The following SLC25A13 variants were observed in gnomAD, a reference collection of about 807,000 sequenced individuals.
The protein encoded by SLC25A13 is solute carrier family 25 member 13, also known as electrogenic aspartate/glutamate antiporter SLC25A13, mitochondrial.
SLC25A13 carries 70 observed loss-of-function variants against 85.5 expected under a neutral mutation model. That is an observed-to-expected ratio of 0.82 (90% CI 0.68 to 1.00). SLC25A13 has a LOEUF of 1.00. SLC25A13 is among the 50% of genes least tolerant of loss of function. The pLI, the probability that SLC25A13 is intolerant of heterozygous loss-of-function variation, is 0.00. For missense variants in SLC25A13, 765 were observed against 819.8 expected, an observed-to-expected ratio of 0.93 and a Z score of 0.82; for synonymous variants, 259 against 288.7, an observed-to-expected ratio of 0.90 and a Z score of 1.04.
At chr7:96,291,973 CA>C in intron 2 of SLC25A13, among the ~76,000 whole-genome samples, 1 of 152,078 alleles carries the variant, frequency 6.6e-6, no homozygotes, top group East Asian at 1.9e-4. Flanking sequence ...AGAGACACAA[CA>C]AAAAAAGAGC....
rs181779744 is a variant in SLC25A13 at position 96,136,496 on chromosome 7, C to T, written c.1453-4615G>A. On this transcript the variant is annotated intron_variant, in intron 14 of 17. Transcript: ENST00000265631. ...GATTTGTATCTCTCTTTCTCTCGCA[C>T]GCATGCTGTTGCACATGCACAGCAA... 7.8e-4 allele frequency among the ~76,000 whole-genome samples: 119 copies of T among 152,324 alleles called. 2 individuals carry two copies. Among genetic ancestry groups the T allele is most frequent in the Admixed American group, 7.0e-3 (107 of 15,300 alleles).
At chr7:96,153,037 G>C (rs1353128786) in intron 13 of SLC25A13, among the ~76,000 whole-genome samples, 1 of 152,180 alleles carries the variant, frequency 6.6e-6, no homozygotes, top group Non-Finnish European at 1.5e-5. Flanking sequence ...AGGGGGAAGA[G>C]AGTGAAAAGA....
chr7:96,258,019 C>T (rs1009241144), intron 3 of SLC25A13, among the ~76,000 whole-genome samples: 6 of 152,092 alleles, frequency 3.9e-5, no homozygotes, highest in Non-Finnish European at 8.8e-5. Context: ...ATTCAACATC[C>T]CTTCATGGTA....
intron 4 of SLC25A13, among the ~76,000 whole-genome samples, chr7:96,233,210 C>T (rs528256785): frequency 6.6e-6 from 1 of 152,326 alleles, no homozygotes; most frequent in South Asian, 2.1e-4. Flanking sequence ...CTATGCTGAA[C>T]ATGCTTACAC....
chr7:96,156,211 A>G (rs1793258456), intron 13 of SLC25A13, among the ~76,000 whole-genome samples: 1 of 152,148 alleles, frequency 6.6e-6, no homozygotes, highest in African/African-American at 2.4e-5. Flanking sequence ...GATATATCAA[A>G]TTTTTCTTTG....
intron 5 of SLC25A13, among the ~76,000 whole-genome samples, chr7:96,199,178 G>A (rs1584444417): frequency 1.3e-5 from 2 of 152,148 alleles, no homozygotes; most frequent in Non-Finnish European, 2.9e-5. Context: ...ATGAGCCAAG[G>A]GTGACACGGG....
At chr7:96,232,197 T>C (rs1272336931) in intron 4 of SLC25A13, among the ~76,000 whole-genome samples, 2 of 152,074 alleles carry the variant, frequency 1.3e-5, no homozygotes, top group African/African-American at 4.8e-5. Flanking sequence ...TGCCCATTAA[T>C]GATAGACTGG....
intron 15 of SLC25A13, among the ~76,000 whole-genome samples, chr7:96,128,788 A>G (rs1013248460): frequency 6.7e-6 from 1 of 148,740 alleles, no homozygotes; most frequent in Non-Finnish European, 1.5e-5. Context: ...TAATAATAAT[A>G]ATAATAATAA....
intron 3 of SLC25A13, among the ~76,000 whole-genome samples, chr7:96,257,862 CT>C (rs1232697500): frequency 6.6e-6 from 1 of 152,162 alleles, no homozygotes; most frequent in Non-Finnish European, 1.5e-5. Flanking sequence ...AAAAGCTTAT[CT>C]ACTATAATCA....
intron 1 of SLC25A13, among the ~76,000 whole-genome samples, chr7:96,312,169 G>A (rs1424291382): frequency 1.3e-5 from 2 of 152,190 alleles, no homozygotes; most frequent in African/African-American, 4.8e-5. Context: ...GAGCCAGGCT[G>A]CCTGTGTTGA....
Position 96,277,302 on chromosome 7 carries a change from A to C in SLC25A13, c.106T>G (p.Ser36Ala), listed in dbSNP as rs1798492492. ...TATCGAGTGACAAAGTCATTGGGGG[A>C]CATGAAAAATTCACCGTTTTTCTCA... The part of the protein sequence containing the change: ...SIEKNGEFFM[S>A]PNDFVTRYLN... The change falls in exon 3 of 18, where the codon TCC becomes GCC. Residue 36 changes from serine (S) to alanine (A), a missense_variant. By Grantham distance (99) the Ser-to-Ala change is moderately conservative. Transcript: ENST00000265631. 1 of 1,613,032 alleles carries C rather than the reference A, an allele frequency of 6.2e-7. No homozygotes were observed. The highest frequency in any genetic ancestry group is 1.3e-5 in the African/African-American group (1 of 74,892).
intron 12 of SLC25A13, 94 bp downstream of exon 12, chr7:96,171,378 G>C (rs768775756): frequency 3.4e-6 from 4 of 1,189,222 alleles, no homozygotes; most frequent in Non-Finnish European, 3.8e-6. Flanking sequence ...GCACCTCTGA[G>C]AAAACAAACC....
At chr7:96,299,859 T>C (rs1799488592) in intron 1 of SLC25A13, among the ~76,000 whole-genome samples, 1 of 152,222 alleles carries the variant, frequency 6.6e-6, no homozygotes, top group Non-Finnish European at 1.5e-5. Context: ...GTTCCTATAC[T>C]GATTACTGTA....
intron 2 of SLC25A13, among the ~76,000 whole-genome samples, chr7:96,288,781 T>C (rs1584572103): frequency 6.6e-6 from 1 of 152,174 alleles, no homozygotes; most frequent in African/African-American, 2.4e-5. Context: ...AAGCTCGAAC[T>C]GGGTGGAGCC....
intron 4 of SLC25A13, among the ~76,000 whole-genome samples, chr7:96,228,777 G>A (rs1201070539): frequency 2.0e-5 from 3 of 152,190 alleles, no homozygotes; most frequent in African/African-American, 7.2e-5. Context: ...GGGTGGGCGT[G>A]GGCTCCGCGG....
intron 2 of SLC25A13, among the ~76,000 whole-genome samples, chr7:96,289,854 G>A (rs534007845): frequency 6.6e-6 from 1 of 152,284 alleles, no homozygotes; most frequent in African/African-American, 2.4e-5. Context: ...ATATCCAGGA[G>A]AACTTCCCCA....
At chr7:96,218,692 ATC>A (rs899593932) in intron 4 of SLC25A13, among the ~76,000 whole-genome samples, 24 of 152,156 alleles carry the variant, frequency 1.6e-4, no homozygotes, top group Non-Finnish European at 2.5e-4. Context: ...CTAAACCATA[ATC>A]TCTCTCTCTT....
intron 3 of SLC25A13, among the ~76,000 whole-genome samples, chr7:96,236,293 C>T (rs1796739385): frequency 6.6e-6 from 1 of 152,002 alleles, no homozygotes; most frequent in African/African-American, 2.4e-5. Context: ...TTATCCTCTA[C>T]TAAGGTCTCT....
intron 8 of SLC25A13, 49 bp from the exon 9 acceptor site, chr7:96,189,427 A>G (rs751513644): frequency 1.6e-5 from 25 of 1,574,050 alleles, no homozygotes; most frequent in Non-Finnish European, 2.2e-5. Context: ...ATTTATTACA[A>G]TTTACATTAT....
Sources: gnomAD v4.1 joint callset for allele counts (sites outside exome capture counted in the v4.1 genomes callset) on GRCh38, gnomAD v4.1.1 for gene constraint, MANE v1.5 for transcripts, NCBI Gene and HGNC (gene_info 2026-07-23, HGNC 2026-07-21) for gene names.